The following AGBL4 variants were observed in gnomAD, a reference collection of about 807,000 sequenced individuals.
AGBL4 encodes the protein cytosolic carboxypeptidase 6.
Under a neutral mutation model 66.4 loss-of-function variants are expected in AGBL4, and 58 were observed. The observed-to-expected ratio is 0.87, with a 90% CI of 0.71 to 1.09. The LOEUF (loss-of-function observed/expected upper bound fraction) is 1.09, where lower values mean the gene tolerates loss of function less well. Ranked by LOEUF, AGBL4 falls within the 50% of genes least tolerant of loss-of-function variation. The pLI is 0.00. For missense variants in AGBL4, 579 were observed against 631.0 expected, an observed-to-expected ratio of 0.92 and a Z score of 0.88; for synonymous variants, 234 against 222.9, an observed-to-expected ratio of 1.05 and a Z score of -0.44.
chr1:48,822,940 T>C (rs1231235165), intron 6 of AGBL4, among the ~76,000 whole-genome samples: 2 of 152,226 alleles, frequency 1.3e-5, no homozygotes, highest in Non-Finnish European at 2.9e-5. Context: ...GCATCAGAGT[T>C]GACCTAATGA....
chr1:49,945,029 A>G (rs958475943), intron 1 of AGBL4, among the ~76,000 whole-genome samples: 1 of 152,082 alleles, frequency 6.6e-6, no homozygotes. Flanking sequence ...AACAAGAATA[A>G]GAAAATATGA....
chr1:48,659,127 T>C (rs1451272780), intron 7 of AGBL4, among the ~76,000 whole-genome samples: 2 of 152,170 alleles, frequency 1.3e-5, no homozygotes, highest in Non-Finnish European at 2.9e-5. Flanking sequence ...CCTGGTGGAA[T>C]TCCTGTGGAA....
intron 5 of AGBL4, among the ~76,000 whole-genome samples, chr1:48,997,929 T>C (rs1381219177): frequency 2.0e-5 from 3 of 152,196 alleles, no homozygotes; most frequent in Non-Finnish European, 4.4e-5. Context: ...CAAATGCCTA[T>C]AAAGTAAAAG....
At chr1:49,302,199 A>G (rs1327094759) in intron 3 of AGBL4, among the ~76,000 whole-genome samples, 1 of 152,136 alleles carries the variant, frequency 6.6e-6, no homozygotes, top group Non-Finnish European at 1.5e-5. Flanking sequence ...TGTCATTAAA[A>G]AAAAAACTCT....
At chr1:49,837,510 G>A (rs1645881546) in intron 2 of AGBL4, among the ~76,000 whole-genome samples, 2 of 152,164 alleles carry the variant, frequency 1.3e-5, no homozygotes, top group African/African-American at 2.4e-5. Flanking sequence ...TTGCAAGGTT[G>A]GCAACACACT....
At chr1:48,868,686 C>A (rs1648352025) in intron 5 of AGBL4, among the ~76,000 whole-genome samples, 1 of 152,158 alleles carries the variant, frequency 6.6e-6, no homozygotes, top group South Asian at 2.1e-4. Flanking sequence ...ATGGCTCTTA[C>A]TTTTTCATGA....
chr1:49,883,529 C>T (rs1010801708), intron 1 of AGBL4, among the ~76,000 whole-genome samples: 1 of 152,096 alleles, frequency 6.6e-6, no homozygotes, highest in Non-Finnish European at 1.5e-5. Flanking sequence ...TTTATCACTA[C>T]TTTCCCTGTC....
At chr1:48,959,213 C>G (rs895092896) in intron 5 of AGBL4, among the ~76,000 whole-genome samples, 1 of 152,144 alleles carries the variant, frequency 6.6e-6, no homozygotes, top group Non-Finnish European at 1.5e-5. Flanking sequence ...CTCAAATATC[C>G]TTAGGCATAA....
chr1:49,979,640 A>T (rs1658894369), intron 1 of AGBL4, among the ~76,000 whole-genome samples: 1 of 152,188 alleles, frequency 6.6e-6, no homozygotes, highest in African/African-American at 2.4e-5. Context: ...TGGTGAGCTC[A>T]AGGGTTGCAA....
chr1:49,019,983 A>G (rs1023368610), intron 5 of AGBL4, among the ~76,000 whole-genome samples: 11 of 152,246 alleles, frequency 7.2e-5, no homozygotes, highest in Non-Finnish European at 1.3e-4. Context: ...ACATATACAC[A>G]TTCAGTAAAT....
At position 49,183,503 on chromosome 1, in the gene AGBL4, C is replaced by G. The variant is rs190129380; in HGVS notation, c.377+62267G>C. Among the ~76,000 whole-genome samples, 6 of 152,198 alleles carry G rather than the reference C, an allele frequency of 3.9e-5. No homozygotes were observed. In the East Asian group the frequency reaches 1.2e-3, roughly 30 times the overall value. ...TTGCCTCTCTTTGGCCTATCACAACCCATAGTCACAAAAGTGCTATTTCTA... is the reference window on the plus strand; with the variant it reads ...TTGCCTCTCTTTGGCCTATCACAACGCATAGTCACAAAAGTGCTATTTCTA... On this transcript the variant is annotated intron_variant, in intron 4 of 13. Coordinates refer to ENST00000371839, the MANE Select transcript of AGBL4 (RefSeq NM_032785.4).
At chr1:49,518,013 C>G (rs1649967277) in intron 3 of AGBL4, among the ~76,000 whole-genome samples, 1 of 152,084 alleles carries the variant, frequency 6.6e-6, no homozygotes. Flanking sequence ...ACTCATTCTA[C>G]TTGGTGCCTA....
intron 2 of AGBL4, among the ~76,000 whole-genome samples, chr1:49,697,886 T>C (rs368792647): frequency 6.6e-6 from 1 of 152,194 alleles, no homozygotes; most frequent in Non-Finnish European, 1.5e-5. Flanking sequence ...ATATATGGTT[T>C]GTACTGAGCT....
chr1:48,744,440 C>T (rs1324441461), intron 6 of AGBL4, among the ~76,000 whole-genome samples: 6 of 152,154 alleles, frequency 3.9e-5, no homozygotes, highest in Admixed American at 6.5e-5. Flanking sequence ...CTTATATTTC[C>T]CCTAAAGCAC....
chr1:49,510,698 A>T (rs1383772254), intron 3 of AGBL4, among the ~76,000 whole-genome samples: 1 of 151,776 alleles, frequency 6.6e-6, no homozygotes, highest in East Asian at 1.9e-4. Context: ...GTTTTCTTCT[A>T]GGGTTTTTAT....
Position 48,904,171 on chromosome 1 carries a change from C to T in AGBL4, c.595-36941G>A, listed in dbSNP as rs533941322. On this transcript the variant is annotated intron_variant, in intron 5 of 13. Transcript: ENST00000371839. ...GTGGGCGCCTGTAATCCCAGCTACTCGGGAGGTTGAGGCAGGAGAATCATT... is the reference window on the plus strand; with the variant it reads ...GTGGGCGCCTGTAATCCCAGCTACTTGGGAGGTTGAGGCAGGAGAATCATT... Among the ~76,000 whole-genome samples the T allele has an allele frequency of 2.4e-3, 352 of 149,628 alleles. 1 individual carries two copies. Among genetic ancestry groups the T allele is most frequent in the African/African-American group, 8.0e-3 (325 of 40,516 alleles).
intron 1 of AGBL4, among the ~76,000 whole-genome samples, chr1:49,881,096 G>A (rs1000095792): frequency 2.0e-5 from 3 of 152,120 alleles, no homozygotes; most frequent in Non-Finnish European, 4.4e-5. Context: ...TACCTCAGAT[G>A]GAAATGCAGA....
intron 9 of AGBL4, among the ~76,000 whole-genome samples, chr1:48,609,067 A>G (rs1645197025): frequency 6.6e-6 from 1 of 152,156 alleles, no homozygotes; most frequent in Admixed American, 6.6e-5. Flanking sequence ...TAGGCCAGAT[A>G]GAGGCTGATA....
intron 4 of AGBL4, among the ~76,000 whole-genome samples, chr1:49,196,558 G>C (rs1647263884): frequency 6.6e-6 from 1 of 151,978 alleles, no homozygotes; most frequent in African/African-American, 2.4e-5. Context: ...TCCTTTGGGG[G>C]TGTTATAATA....
Sources: gnomAD v4.1 joint callset for allele counts (sites outside exome capture counted in the v4.1 genomes callset) on GRCh38, gnomAD v4.1.1 for gene constraint, MANE v1.5 for transcripts, NCBI Gene and HGNC (gene_info 2026-07-23, HGNC 2026-07-21) for gene names.